The following RAP1GAP2 variants were observed in gnomAD, a reference collection of about 807,000 sequenced individuals.
RAP1GAP2 encodes rap1 GTPase-activating protein 2.
A neutral mutation model predicts 95.0 loss-of-function variants in RAP1GAP2; 27 were observed. The observed-to-expected ratio is 0.28, with a 90% confidence interval of 0.21 to 0.39. The LOEUF (loss-of-function observed/expected upper bound fraction) is 0.39. Ranked by LOEUF, RAP1GAP2 falls within the 10% of genes least tolerant of loss-of-function variation. The pLI is 1.00. For synonymous variants in RAP1GAP2, 373 were observed against 380.9 expected (o/e 0.98, Z 0.24); for missense variants, 771 against 970.0 (o/e 0.79, Z 2.72).
chr17:2,907,384 G>T (rs989292751), intron 3 of RAP1GAP2, among the ~76,000 whole-genome samples: 1 of 152,194 alleles, frequency 6.6e-6, no homozygotes, highest in Non-Finnish European at 1.5e-5. Context: ...CCCAGTGCTC[G>T]GTTCTGGGGA....
chr17:2,947,735 C>T (rs559631996), intron 3 of RAP1GAP2, among the ~76,000 whole-genome samples: 132 of 151,756 alleles, frequency 8.7e-4, no homozygotes, highest in African/African-American at 2.9e-3. Flanking sequence ...GGCAGTGTGG[C>T]GTGCTCGGTG....
rs899267475 is a variant in RAP1GAP2 at position 2,902,845 on chromosome 17, A to T, written c.81-2439A>T. ...AGGGGCTCAGCTCAGGGAGTGTTGG[A>T]TGCTGCGCCCTTTTGACCGGGACTC... On this transcript the variant is annotated intron_variant, in intron 2 of 24. Transcript: ENST00000254695. The surrounding 1 kb of genome is among the most constrained non-coding windows in gnomAD (Gnocchi z 4.1). Among the ~76,000 whole-genome samples, 1 of 152,096 alleles carries T rather than the reference A, an allele frequency of 6.6e-6. No individual in the cohort carries two copies. The highest frequency in any genetic ancestry group is 2.4e-5 in the African/African-American group (1 of 41,414).
upstream of RAP1GAP2, among the ~76,000 whole-genome samples, chr17:2,794,965 C>T: frequency 7.0e-6 from 1 of 143,502 alleles, no homozygotes. Context: ...GCAACCTCTG[C>T]CTCCCAGGTT....
chr17:2,786,946 C>CTT lies in RAP1GAP2; in HGVS notation c.-14+9690_-14+9691dup, dbSNP rs67990731. On this transcript the variant is annotated intron_variant, in intron 1 of 24. Coordinates refer to the RAP1GAP2 transcript ENST00000540393. ...ACAGGCGTGAGCCATCGCTCCCAGC[C>CTT]TTTTTTTTTTTTTTTTTTTTTTTGA... Among the ~76,000 whole-genome samples, 547 of 58,272 alleles carry CTT rather than the reference C, an allele frequency of 9.4e-3. 7 individuals carry two copies. The highest frequency in any genetic ancestry group is 0.023 in the East Asian group (48 of 2,102). 38.2% of individuals were successfully genotyped at this position (58,272 alleles called of 152,430 possible).
intron 13 of RAP1GAP2, 140 bp downstream of exon 13, chr17:2,995,606 A>T: frequency 8.1e-7 from 1 of 1,235,324 alleles, no homozygotes. Flanking sequence ...CAGCAGCGTC[A>T]CAGTCCGTTC....
rs554431775 is a variant in RAP1GAP2, at chr17:2,993,433, C to T, written c.915-1904C>T. Among the ~76,000 whole-genome samples, 7 of 151,290 alleles carry T rather than the reference C, an allele frequency of 4.6e-5. 1 individual carries two copies. The highest frequency in any genetic ancestry group is 1.2e-4 in the African/African-American group (5 of 41,168). ...CTAAAAATACGAAAAATTAGCCGGG[C>T]GTGGTGGCACGTGCCTGTAGTCCCA... On this transcript the variant is annotated intron_variant, in intron 12 of 24. Coordinates refer to ENST00000254695, the MANE Select transcript of RAP1GAP2 (RefSeq NM_015085.5).
upstream of RAP1GAP2, among the ~76,000 whole-genome samples, chr17:2,776,721 G>C (rs1241257824): frequency 1.3e-5 from 2 of 149,588 alleles, no homozygotes; most frequent in East Asian, 3.9e-4. Flanking sequence ...GGGGCGCCAG[G>C]TGTGCGGGCG....
chr17:2,944,545 G>GT (rs1283523180), intron 3 of RAP1GAP2, among the ~76,000 whole-genome samples: 22 of 152,314 alleles, frequency 1.4e-4, no homozygotes, highest in African/African-American at 4.8e-4. Flanking sequence ...TAGCTTTATA[G>GT]TAAGTATTGA....
intron 1 of RAP1GAP2, 130 bp from the exon 2 acceptor site, chr17:2,800,385 C>T: frequency 7.4e-7 from 1 of 1,346,014 alleles, no homozygotes; most frequent in Admixed American, 2.0e-5. Context: ...AGAACTGGCC[C>T]CTTTAGCCAG....
At chr17:2,970,294 A>AAAAAAT (rs1555582398) in intron 8 of RAP1GAP2, among the ~76,000 whole-genome samples, 2 of 116,028 alleles carry the variant, frequency 1.7e-5, no homozygotes, top group African/African-American at 3.6e-5. Flanking sequence ...AAAAAAAAAA[A>AAAAAAT]AATAATAATA....
At chr17:2,810,771 C>T (rs1023692754) in intron 2 of RAP1GAP2, among the ~76,000 whole-genome samples, 2 of 151,984 alleles carry the variant, frequency 1.3e-5, no homozygotes, top group Non-Finnish European at 2.9e-5. Flanking sequence ...CCTCGTGATC[C>T]GCCCGCCTCA....
At chr17:2,912,914 A>C (rs2042437810) in intron 3 of RAP1GAP2, among the ~76,000 whole-genome samples, 1 of 152,186 alleles carries the variant, frequency 6.6e-6, no homozygotes, top group Non-Finnish European at 1.5e-5. Context: ...ATGGTGGCAC[A>C]TGCCTGAAAT....
intron 2 of RAP1GAP2, among the ~76,000 whole-genome samples, chr17:2,849,740 A>G (rs2071746737): frequency 1.3e-5 from 2 of 152,122 alleles, no homozygotes; most frequent in Admixed American, 1.3e-4. Context: ...GAGAGCTGGG[A>G]CGCCGTGGGG....
chr17:2,994,943 A>G (rs1339692408), intron 12 of RAP1GAP2, among the ~76,000 whole-genome samples: 1 of 152,024 alleles, frequency 6.6e-6, no homozygotes, highest in Non-Finnish European at 1.5e-5. Flanking sequence ...CCTCCTGAGT[A>G]GCTGGGATTA....
chr17:2,800,309 T>C, intron 1 of RAP1GAP2: 1 of 862,526 alleles, frequency 1.2e-6, no homozygotes, highest in Non-Finnish European at 1.4e-6. Flanking sequence ...ATAATACGCA[T>C]GTTGTAGGGT....
chr17:2,828,318 G>C (rs1347261748), intron 2 of RAP1GAP2, among the ~76,000 whole-genome samples: 1 of 149,524 alleles, frequency 6.7e-6, no homozygotes, highest in Non-Finnish European at 1.5e-5. Context: ...TCCAACCTGG[G>C]CGACAGTGAG....
chr17:2,796,657 A>G lies in RAP1GAP2; in HGVS notation c.44+86A>G. On this transcript the variant is annotated intron_variant, in intron 1 of 24. Coordinates refer to ENST00000254695, the MANE Select transcript of RAP1GAP2 (RefSeq NM_015085.5). This position sits in a 1 kb window ranked among gnomAD's most constrained non-coding sequence, Gnocchi z 4.7. ...TAAGTGCATTGGCGGCCGTGGGAACAGAGGGGCTCGGGCTGTGCCTGAGAG... is the reference window on the plus strand; with the variant it reads ...TAAGTGCATTGGCGGCCGTGGGAACGGAGGGGCTCGGGCTGTGCCTGAGAG... 1.4e-6 allele frequency: 2 copies of G among 1,466,486 alleles called. No individual in the cohort carries two copies. Among genetic ancestry groups the G allele is most frequent in the Non-Finnish European group, 1.9e-6 (2 of 1,070,040 alleles). 90.8% of individuals were successfully genotyped at this position (1,466,486 alleles called of 1,614,324 possible). A position where few individuals can be genotyped will look rare whatever the true frequency, so the allele number is the denominator to read the frequency against.
intron 2 of RAP1GAP2, among the ~76,000 whole-genome samples, chr17:2,832,902 T>C (rs867688700): frequency 1.5e-4 from 22 of 150,170 alleles, no homozygotes; most frequent in Middle Eastern, 3.5e-3. Flanking sequence ...TTGCTGGAAC[T>C]TGGGAGGCAG....
intron 13 of RAP1GAP2, among the ~76,000 whole-genome samples, chr17:2,995,850 C>T (rs1210886610): frequency 1.3e-5 from 2 of 152,210 alleles, no homozygotes; most frequent in Admixed American, 1.3e-4. Context: ...AGGGTGGTGG[C>T]AAAGGGTGCA....
Sources: gnomAD v4.1 joint callset for allele counts (sites outside exome capture counted in the v4.1 genomes callset) on GRCh38, gnomAD v4.1.1 for gene constraint, Gnocchi (gnomAD v3.1) non-coding constraint, MANE v1.5 for transcripts, NCBI Gene and HGNC (gene_info 2026-07-23, HGNC 2026-07-21) for gene names.